The following UPB1 variants were observed in gnomAD, a reference collection of about 807,000 sequenced individuals.
UPB1 encodes beta-ureidopropionase 1, also known as beta-ureidopropionase.
UPB1 carries 40 observed loss-of-function variants against 49.1 expected under a neutral mutation model. That is an observed-to-expected ratio of 0.81 (90% confidence interval 0.63 to 1.06). The LOEUF is 1.06. Ranked by LOEUF, UPB1 falls within the 50% of genes least tolerant of loss-of-function variation. The pLI, the probability that UPB1 is intolerant of heterozygous loss-of-function variation, is 0.00. For synonymous variants in UPB1, 207 were observed against 198.2 expected, an observed-to-expected ratio of 1.04 and a Z score of -0.38; for missense variants, 499 against 505.9, an observed-to-expected ratio of 0.99 and a Z score of 0.13.
At position 24,520,767 on chromosome 22, in the gene UPB1, CTTA is replaced by C. The variant is rs139739212; in HGVS notation, c.873+304_873+306del. ...AGTTTTGACTGCCAAACAGAATGCACTTATTATATCTCTTCCTCATCCTTATTA... is the reference window on the plus strand; with the variant it reads ...AGTTTTGACTGCCAAACAGAATGCACTTATATCTCTTCCTCATCCTTATTA... On this transcript the variant is annotated intron_variant, in intron 7 of 9. Transcript: ENST00000326010. Among the ~76,000 whole-genome samples the C allele has an allele frequency of 3.3e-3, 510 of 152,330 alleles. 2 individuals carry two copies. The highest frequency in any genetic ancestry group is 0.012 in the African/African-American group (485 of 41,568).
At chr22:24,510,624 A>G in intron 3 of UPB1, 125 bp from the exon 4 acceptor site, 1 of 1,043,916 alleles carries the variant, frequency 9.6e-7, no homozygotes, top group South Asian at 1.3e-5. Flanking sequence ...AACAGGACCC[A>G]GAAGCCAGGC....
At chr22:24,501,961 A>G (rs1384309142) in intron 2 of UPB1, among the ~76,000 whole-genome samples, 165 bp from the exon 3 acceptor site, 1 of 152,180 alleles carries the variant, frequency 6.6e-6, no homozygotes, top group African/African-American at 2.4e-5. Context: ...CCAGCTTTTC[A>G]TGCAGATTTT....
intron 5 of UPB1, among the ~76,000 whole-genome samples, chr22:24,514,159 A>G (rs1264680388): frequency 6.6e-6 from 1 of 152,112 alleles, no homozygotes; most frequent in Non-Finnish European, 1.5e-5. Context: ...TTTGCCATTA[A>G]TGCAGTTGTT....
chr22:24,523,353 G>A (rs952799468), intron 8 of UPB1, among the ~76,000 whole-genome samples: 1 of 152,236 alleles, frequency 6.6e-6, no homozygotes, highest in Non-Finnish European at 1.5e-5. Context: ...TTAGGCTGTG[G>A]GTAGAAGTGA....
At chr22:24,502,593 G>A (rs2044014285) in intron 3 of UPB1, 2 of 752,104 alleles carry the variant, frequency 2.7e-6, no homozygotes, top group Non-Finnish European at 4.9e-6. Context: ...TAAACATCCT[G>A]GTAGTATGTA....
chr22:24,505,212 C>A (rs2044069386), intron 3 of UPB1, among the ~76,000 whole-genome samples: 1 of 152,162 alleles, frequency 6.6e-6, no homozygotes, highest in Non-Finnish European at 1.5e-5. Flanking sequence ...GCGATATCTT[C>A]TCTTACCTCT....
Position 24,500,286 on chromosome 22 carries a change from C to G in UPB1, c.276+8C>G, listed in dbSNP as rs1426582490. 1.2e-6 allele frequency: 2 copies of G among 1,613,890 alleles called. No individual in the cohort carries two copies. The highest frequency in any genetic ancestry group is 4.5e-5 in the East Asian group (2 of 44,872). ...GCCCCTGTGGCAGAACAGGTGCAGA[C>G]TCTTTTGACCATAATAAATACACAA... On this transcript the variant is annotated splice_region_variant and intron_variant, in intron 2 of 9. Transcript: ENST00000326010.
intron 4 of UPB1, 48 bp downstream of exon 4, chr22:24,510,891 G>T: frequency 1.3e-6 from 2 of 1,590,854 alleles, no homozygotes; most frequent in Non-Finnish European, 1.7e-6. Flanking sequence ...ATATGTGCAA[G>T]TCACAGAGCA....
intron 6 of UPB1, among the ~76,000 whole-genome samples, chr22:24,517,446 G>C (rs1361792717): frequency 6.6e-6 from 1 of 152,226 alleles, no homozygotes; most frequent in Non-Finnish European, 1.5e-5. Flanking sequence ...CACTTGGCAA[G>C]CTCCATCTTC....
intron 7 of UPB1, 29 bp downstream of exon 7, chr22:24,520,497 G>T: frequency 1.2e-6 from 2 of 1,611,004 alleles, no homozygotes; most frequent in Non-Finnish European, 1.7e-6. Flanking sequence ...CTGGGGAGAG[G>T]AGCCACCACC....
chr22:24,525,641 G>A (rs62231900), intron 9 of UPB1, 70 bp from the exon 10 acceptor site: 16,181 of 1,587,860 alleles, frequency 0.01, 117 homozygotes, highest in South Asian at 0.014. Context: ...GTGGCAAGAG[G>A]TGGTGGCGTG....
intron 3 of UPB1, among the ~76,000 whole-genome samples, chr22:24,510,322 A>G (rs1200945864): frequency 6.6e-6 from 1 of 152,184 alleles, no homozygotes; most frequent in African/African-American, 2.4e-5. Flanking sequence ...ATATTCTTAA[A>G]GGTTCATCCA....
At chr22:24,500,960 C>T (rs1386744259) in intron 2 of UPB1, among the ~76,000 whole-genome samples, 1 of 152,168 alleles carries the variant, frequency 6.6e-6, no homozygotes, top group African/African-American at 2.4e-5. Context: ...AACCTAAGGC[C>T]TCTTGGATTC....
Position 24,510,768 on chromosome 22 carries a change from T to A in UPB1, c.384T>A (p.Cys128Ter), listed in dbSNP as rs200161281. 6.2e-7 allele frequency: 1 copy of A among 1,614,016 alleles called. No individual in the cohort carries two copies. Among genetic ancestry groups the A allele is most frequent in the Non-Finnish European group, 8.5e-7 (1 of 1,180,002 alleles). ...QEAWTMPFAF[C>*]TREKLPWTEF... ...TTATAGCTATGCCCTTTGCCTTCTG[T>A]ACGAGAGAGAAGCTTCCTTGGACAG... Residue 128 changes from cysteine (C) to a stop codon, truncating the protein, a stop_gained, in exon 4 of 10, where the codon TGT (cysteine) becomes TGA (stop). Coordinates refer to ENST00000326010, the MANE Select transcript of UPB1 (RefSeq NM_016327.3). LOFTEE classifies it high-confidence loss of function.
At chr22:24,511,560 A>T (rs1468810818) in intron 4 of UPB1, among the ~76,000 whole-genome samples, 1 of 151,222 alleles carries the variant, frequency 6.6e-6, no homozygotes, top group Non-Finnish European at 1.5e-5. Context: ...TCGCTACTGT[A>T]CTTGACCAAT....
rs112819584 is a variant in UPB1 at position 24,524,552 on chromosome 22, C to T, written c.1071+779C>T. The stretch of plus-strand genomic sequence containing the variant: ...ATCTAGGCTGGACCAATGGCACAGC[C>T]ATAGATCATGGCAGCCTTGACCTCC... On this transcript the variant is annotated intron_variant, in intron 9 of 9. Transcript: ENST00000326010. 4.9e-4 allele frequency among the ~76,000 whole-genome samples: 75 copies of T among 152,262 alleles called. 1 individual carries two copies. The highest frequency in any genetic ancestry group is 1.7e-3 in the African/African-American group (71 of 41,554).
At chr22:24,502,703 C>A (rs2044015898) in intron 3 of UPB1, 2 of 591,292 alleles carry the variant, frequency 3.4e-6, no homozygotes. Context: ...TTATCCCCAG[C>A]ATCAACACTG....
intron 1 of UPB1, among the ~76,000 whole-genome samples, chr22:24,498,512 C>T (rs2043931836): frequency 1.3e-5 from 2 of 152,154 alleles, no homozygotes; most frequent in African/African-American, 2.4e-5. Flanking sequence ...GGTAGAGCCC[C>T]AAAGGTGGCT....
At chr22:24,519,448 C>T (rs1382572712) in intron 6 of UPB1, among the ~76,000 whole-genome samples, 1 of 152,136 alleles carries the variant, frequency 6.6e-6, no homozygotes, top group African/African-American at 2.4e-5. Flanking sequence ...CCACTAGATT[C>T]CATGTCATAT....
Sources: gnomAD v4.1 joint callset for allele counts (sites outside exome capture counted in the v4.1 genomes callset) on GRCh38, gnomAD v4.1.1 for gene constraint, MANE v1.5 for transcripts, NCBI Gene and HGNC (gene_info 2026-07-23, HGNC 2026-07-21) for gene names.